CCSER1: variants seen among roughly 807,000 people sequenced by gnomAD.
CCSER1 encodes the protein serine-rich coiled-coil domain-containing protein 1.
Under a neutral mutation model 82.0 loss-of-function variants are expected in CCSER1, and 41 were observed. That is an observed-to-expected ratio of 0.50 (90% CI 0.39 to 0.65). The LOEUF (loss-of-function observed/expected upper bound fraction) is 0.65. Ranked by LOEUF, CCSER1 falls within the 30% of genes least tolerant of loss-of-function variation. CCSER1 has a pLI of 0.00. For synonymous variants in CCSER1, 414 were observed against 383.9 expected (o/e 1.08, Z -0.92); for missense variants, 1,119 against 1,064.2 (o/e 1.05, Z -0.72).
At chr4:90,437,384 A>G (rs1056742341) in intron 4 of CCSER1, among the ~76,000 whole-genome samples, 12 of 152,028 alleles carry the variant, frequency 7.9e-5, no homozygotes, top group African/African-American at 2.9e-4. Context: ...TTATCTTTTG[A>G]GTGATAATTG....
chr4:91,496,796 AT>A (rs71579529), intron 10 of CCSER1, among the ~76,000 whole-genome samples: 2,290 of 41,248 alleles, frequency 0.056, 460 homozygotes, highest in East Asian at 0.23. Flanking sequence ...TTGAATATAT[AT>A]TTGAATATAT....
intron 8 of CCSER1, among the ~76,000 whole-genome samples, chr4:90,871,899 C>T (rs1201908332): frequency 1.3e-5 from 2 of 151,468 alleles, no homozygotes; most frequent in Non-Finnish European, 3.0e-5. Context: ...TGTATTGACC[C>T]CTTTATCATT....
intron 1 of CCSER1, among the ~76,000 whole-genome samples, chr4:90,222,656 G>GT (rs1269952909): frequency 2.0e-5 from 3 of 151,998 alleles, no homozygotes; most frequent in East Asian, 3.9e-4. Context: ...ACCAACATTG[G>GT]TTTTTTAAAT....
At chr4:91,446,515 T>A (rs1242361953) in intron 10 of CCSER1, among the ~76,000 whole-genome samples, 1 of 151,718 alleles carries the variant, frequency 6.6e-6, no homozygotes, top group Non-Finnish European at 1.5e-5. Flanking sequence ...ACGACATTTT[T>A]AAAAGTCTGT....
At chr4:90,255,661 AT>A (rs1170887386) in intron 1 of CCSER1, among the ~76,000 whole-genome samples, 9 of 152,148 alleles carry the variant, frequency 5.9e-5, no homozygotes, top group African/African-American at 1.2e-4. Flanking sequence ...TGATTACAGA[AT>A]AGATATCTAG....
At chr4:90,855,515 A>G (rs893132739) in intron 8 of CCSER1, among the ~76,000 whole-genome samples, 5 of 152,188 alleles carry the variant, frequency 3.3e-5, no homozygotes, top group Non-Finnish European at 5.9e-5. Flanking sequence ...GAGTTTAGAT[A>G]TTAAATCTTA....
intron 10 of CCSER1, among the ~76,000 whole-genome samples, chr4:91,228,690 C>A: frequency 6.6e-6 from 1 of 151,952 alleles, no homozygotes; most frequent in East Asian, 1.9e-4. Context: ...TGTTTGATTT[C>A]TGATTACAGA....
chr4:91,090,116 C>A (rs910297303), intron 10 of CCSER1, among the ~76,000 whole-genome samples: 1 of 152,158 alleles, frequency 6.6e-6, no homozygotes, highest in South Asian at 2.1e-4. Flanking sequence ...GGTGGGTCCA[C>A]AGTATTGTAT....
chr4:91,221,622 A>T (rs1381323994), intron 10 of CCSER1, among the ~76,000 whole-genome samples: 1 of 152,222 alleles, frequency 6.6e-6, no homozygotes, highest in Admixed American at 6.5e-5. Flanking sequence ...TCATCAGGTC[A>T]AACACATATA....
At chr4:91,288,288 G>GA (rs757138784) in intron 10 of CCSER1, among the ~76,000 whole-genome samples, 2 of 151,544 alleles carry the variant, frequency 1.3e-5, no homozygotes, top group Non-Finnish European at 2.9e-5. Context: ...AAAATCTGGA[G>GA]AAAATTCAAA....
intron 10 of CCSER1, among the ~76,000 whole-genome samples, chr4:91,531,542 A>G (rs1761030354): frequency 6.6e-6 from 1 of 152,244 alleles, no homozygotes; most frequent in Non-Finnish European, 1.5e-5. Flanking sequence ...GAAAGTGTTT[A>G]ACTTACAGAT....
intron 10 of CCSER1, among the ~76,000 whole-genome samples, chr4:91,097,168 T>A (rs1724592929): frequency 2.0e-5 from 3 of 152,208 alleles, no homozygotes; most frequent in Admixed American, 6.5e-5. Context: ...ATATTCTGTA[T>A]CACAGGTCTA....
At chr4:91,560,413 C>G (rs773455074) in intron 10 of CCSER1, among the ~76,000 whole-genome samples, 1 of 151,454 alleles carries the variant, frequency 6.6e-6, no homozygotes, top group African/African-American at 2.4e-5. Context: ...TAAATGTTGA[C>G]TAAATGGATT....
chr4:91,319,556 C>T (rs758611286), intron 10 of CCSER1: 8 of 417,144 alleles, frequency 1.9e-5, no homozygotes, highest in Non-Finnish European at 3.8e-5. Context: ...AAATTGCTAT[C>T]CTGTGAAAGA....
At chr4:90,741,841 T>C (rs1209998700) in intron 7 of CCSER1, among the ~76,000 whole-genome samples, 5 of 152,212 alleles carry the variant, frequency 3.3e-5, no homozygotes, top group Non-Finnish European at 5.9e-5. Context: ...GGATTCAGCA[T>C]GAGTTCAGTT....
At chr4:91,534,303 A>C (rs1761188917) in intron 10 of CCSER1, among the ~76,000 whole-genome samples, 1 of 152,012 alleles carries the variant, frequency 6.6e-6, no homozygotes, top group South Asian at 2.1e-4. Context: ...TTTGCTAATT[A>C]AATTCTTTCC....
At chr4:90,855,471 G>A (rs1008607447) in intron 8 of CCSER1, among the ~76,000 whole-genome samples, 4 of 152,012 alleles carry the variant, frequency 2.6e-5, no homozygotes, top group Admixed American at 2.6e-4. Flanking sequence ...CCTCTTGCAA[G>A]AATTAAAGCT....
chr4:91,253,832 ATGGTG>A (rs1740459775), intron 10 of CCSER1, among the ~76,000 whole-genome samples: 1 of 152,140 alleles, frequency 6.6e-6, no homozygotes, highest in Admixed American at 6.5e-5. Flanking sequence ...GACGTCACAC[ATGGTG>A]CAAGAAGGAG....
chr4:90,899,938 G>A (rs546919301), intron 8 of CCSER1, among the ~76,000 whole-genome samples: 25 of 151,872 alleles, frequency 1.6e-4, no homozygotes, highest in Admixed American at 3.3e-4. Flanking sequence ...CCAGGTTTTC[G>A]TATCAAGGTG....
Sources: gnomAD v4.1 joint callset for allele counts (sites outside exome capture counted in the v4.1 genomes callset) on GRCh38, gnomAD v4.1.1 for gene constraint, MANE v1.5 for transcripts, NCBI Gene and HGNC (gene_info 2026-07-23, HGNC 2026-07-21) for gene names.